Variants in SOX5 observed in about 807,000 individuals in gnomAD.
SOX5 encodes SRY-box transcription factor 5.
In SOX5, 9 loss-of-function variants were observed where a neutral mutation model predicts 92.0. The observed-to-expected ratio is 0.10, with a 90% CI of 0.06 to 0.17. The LOEUF (loss-of-function observed/expected upper bound fraction) is 0.17, where lower values mean the gene tolerates loss of function less well. Ranked by LOEUF, SOX5 falls within the 10% of genes least tolerant of loss-of-function variation. The pLI, the probability that SOX5 is intolerant of heterozygous loss-of-function variation, is 1.00. For synonymous variants in SOX5, 344 were observed against 336.3 expected (o/e 1.02, Z -0.25); for missense variants, 642 against 944.5 (o/e 0.68, Z 4.20).
At chr12:23,834,475 C>T (rs988301919) in intron 3 of SOX5, among the ~76,000 whole-genome samples, 8 of 151,808 alleles carry the variant, frequency 5.3e-5, no homozygotes, top group African/African-American at 1.7e-4. Context: ...AGAACTTATA[C>T]TAATTTAAGT....
chr12:24,465,073 G>A (rs746614820), intron 1 of SOX5, among the ~76,000 whole-genome samples: 4 of 152,186 alleles, frequency 2.6e-5, no homozygotes, highest in Non-Finnish European at 5.9e-5. Context: ...AGTACCATGT[G>A]CCAGTAATTG....
chr12:24,324,713 C>G (rs1189542989), intron 2 of SOX5, among the ~76,000 whole-genome samples: 1 of 152,028 alleles, frequency 6.6e-6, no homozygotes, highest in African/African-American at 2.4e-5. Context: ...ACTTACCTAA[C>G]TTCCCTGAAC....
At chr12:24,442,388 A>T (rs1322668726) in intron 1 of SOX5, among the ~76,000 whole-genome samples, 1 of 152,190 alleles carries the variant, frequency 6.6e-6, no homozygotes, top group African/African-American at 2.4e-5. Context: ...GTATCCAAGA[A>T]CATTATATTC....
intron 4 of SOX5, among the ~76,000 whole-genome samples, chr12:24,039,211 T>C (rs1322405190): frequency 6.6e-6 from 1 of 152,130 alleles, no homozygotes; most frequent in Non-Finnish European, 1.5e-5. Context: ...CCAGAAGTAA[T>C]GTAGCCACCC....
intron 4 of SOX5, among the ~76,000 whole-genome samples, chr12:24,196,938 G>T (rs990958447): frequency 6.6e-6 from 1 of 151,854 alleles, no homozygotes; most frequent in African/African-American, 2.4e-5. Flanking sequence ...CAAACATTAG[G>T]ATACAAAAGA....
intron 4 of SOX5, among the ~76,000 whole-genome samples, chr12:23,966,729 G>A (rs1206671312): frequency 6.6e-6 from 1 of 152,014 alleles, no homozygotes; most frequent in Non-Finnish European, 1.5e-5. Context: ...TTGTAAACTG[G>A]GGATAACAAT....
chr12:24,349,305 C>A (rs955898531), intron 2 of SOX5, among the ~76,000 whole-genome samples: 5 of 152,206 alleles, frequency 3.3e-5, no homozygotes, highest in African/African-American at 1.2e-4. Flanking sequence ...AAAAGTACCA[C>A]CTTAACCATT....
At chr12:23,912,608 G>T (rs945303491) in intron 1 of SOX5, among the ~76,000 whole-genome samples, 1 of 151,956 alleles carries the variant, frequency 6.6e-6, no homozygotes, top group Non-Finnish European at 1.5e-5. Flanking sequence ...AATGATGAAT[G>T]AAAAAACAAT....
At chr12:23,862,824 T>C (rs1227476740) in intron 2 of SOX5, among the ~76,000 whole-genome samples, 1 of 152,198 alleles carries the variant, frequency 6.6e-6, no homozygotes, top group Admixed American at 6.5e-5. Context: ...AAATGTGGCA[T>C]ATGTTTGTAT....
intron 10 of SOX5, 82 bp downstream of exon 10, chr12:23,575,579 G>T: frequency 7.7e-7 from 1 of 1,291,430 alleles, no homozygotes; most frequent in Non-Finnish European, 1.1e-6. Flanking sequence ...TGTATAGAGT[G>T]GGTGTGATGT....
intron 4 of SOX5, among the ~76,000 whole-genome samples, chr12:24,036,706 A>G (rs970222187): frequency 3.3e-5 from 5 of 152,060 alleles, no homozygotes; most frequent in African/African-American, 1.2e-4. Context: ...ATTTCTACAA[A>G]CTGTGGACTC....
intron 6 of SOX5, among the ~76,000 whole-genome samples, chr12:23,711,541 C>T (rs2092053393): frequency 6.6e-6 from 1 of 152,040 alleles, no homozygotes; most frequent in South Asian, 2.1e-4. Flanking sequence ...GATTAATAGC[C>T]TGTTTCTAGT....
intron 4 of SOX5, among the ~76,000 whole-genome samples, chr12:23,977,281 T>C (rs1019733823): frequency 6.6e-6 from 1 of 152,140 alleles, no homozygotes; most frequent in Non-Finnish European, 1.5e-5. Flanking sequence ...TGCTATAAAA[T>C]GATGCTTTGC....
chr12:24,519,766 T>C (rs1436858172), intron 1 of SOX5, among the ~76,000 whole-genome samples: 1 of 152,024 alleles, frequency 6.6e-6, no homozygotes, highest in Non-Finnish European at 1.5e-5. Context: ...TAAACAGGAG[T>C]GAAATGATTC....
chr12:24,165,248 G>C (rs1390532131), intron 4 of SOX5, among the ~76,000 whole-genome samples: 1 of 152,084 alleles, frequency 6.6e-6, no homozygotes, highest in Non-Finnish European at 1.5e-5. Flanking sequence ...AACATTTGCT[G>C]AGTGCCTAGT....
chr12:23,960,158 A>G lies in SOX5; in HGVS notation c.-1-64134T>C, dbSNP rs550498994. On this transcript the variant is annotated intron_variant, in intron 4 of 4. Transcript: ENST00000446891. ...GAGAAACGGACCCCAGCCATGTCCAATCAAGCCAACATGCATCTGACCCAC... is the reference window on the plus strand; with the variant it reads ...GAGAAACGGACCCCAGCCATGTCCAGTCAAGCCAACATGCATCTGACCCAC... 2.6e-5 allele frequency among the ~76,000 whole-genome samples: 4 copies of G among 152,248 alleles called. No individual in the cohort carries two copies. In the South Asian group the frequency reaches 8.3e-4, roughly 32 times the overall value.
At chr12:23,899,666 C>T (rs770738355) in intron 1 of SOX5, among the ~76,000 whole-genome samples, 9 of 152,210 alleles carry the variant, frequency 5.9e-5, no homozygotes, top group African/African-American at 1.2e-4. Context: ...AGTATGATGA[C>T]GTAACACTGG....
intron 2 of SOX5, among the ~76,000 whole-genome samples, chr12:24,279,559 A>T (rs1445772470): frequency 6.6e-6 from 1 of 152,124 alleles, no homozygotes; most frequent in East Asian, 1.9e-4. Flanking sequence ...TAACGTTGTA[A>T]CTGGCATGAT....
At chr12:24,119,923 G>A (rs1298389055) in intron 4 of SOX5, among the ~76,000 whole-genome samples, 1 of 152,160 alleles carries the variant, frequency 6.6e-6, no homozygotes, top group Non-Finnish European at 1.5e-5. Context: ...AAGTTATACA[G>A]TATATAGTAT....
Sources: gnomAD v4.1 joint callset for allele counts (sites outside exome capture counted in the v4.1 genomes callset) on GRCh38, gnomAD v4.1.1 for gene constraint, MANE v1.5 for transcripts, NCBI Gene and HGNC (gene_info 2026-07-23, HGNC 2026-07-21) for gene names.